Variants in SOBP observed in about 807,000 individuals in gnomAD.
The protein encoded by SOBP is sine oculis binding protein homolog, also known as sine oculis-binding protein homolog.
A neutral mutation model predicts 53.6 loss-of-function variants in SOBP; 4 were observed. That is an observed-to-expected ratio of 0.07 (90% CI 0.04 to 0.17). The LOEUF (loss-of-function observed/expected upper bound fraction) is 0.17, where lower values mean the gene tolerates loss of function less well. SOBP is among the 10% of genes least tolerant of loss of function. SOBP has a pLI of 1.00. For synonymous variants in SOBP, 584 were observed against 522.6 expected (o/e 1.12, Z -1.60); for missense variants, 1,088 against 1,204.7 (o/e 0.90, Z 1.43).
chr6:107,633,927 C>A lies in SOBP; in HGVS notation c.1083C>A (p.Ile361=). The change falls in exon 6 of 7, where the codon ATC becomes ATA. Residue 361 remains isoleucine, a synonymous_variant. Coordinates refer to ENST00000317357, the MANE Select transcript of SOBP (RefSeq NM_018013.4). ...KSIPISETPN[I]PPVSVQPPAS... ...TCCCCATCAGCGAGACTCCAAATATCCCTCCTGTCTCCGTCCAGCCACCTG... is the reference window on the plus strand; with the variant it reads ...TCCCCATCAGCGAGACTCCAAATATACCTCCTGTCTCCGTCCAGCCACCTG... 6.2e-7 allele frequency: 1 copy of A among 1,614,236 alleles called. No homozygotes were observed. Among genetic ancestry groups the A allele is most frequent in the East Asian group, 2.2e-5 (1 of 44,868 alleles).
chr6:107,542,249 G>A (rs1032916159), intron 4 of SOBP, among the ~76,000 whole-genome samples: 1 of 152,266 alleles, frequency 6.6e-6, no homozygotes, highest in African/African-American at 2.4e-5. Context: ...GTGTGCTGGG[G>A]ACAGAAGGAA....
Position 107,661,083 on chromosome 6 carries a change from C to T in SOBP, c.*2880C>T, listed in dbSNP as rs979863254. Among the ~76,000 whole-genome samples the T allele has an allele frequency of 6.6e-6, 1 of 152,182 alleles. No individual in the cohort carries two copies. The highest frequency in any genetic ancestry group is 1.5e-5 in the Non-Finnish European group (1 of 68,036). On this transcript the variant is annotated 3_prime_UTR_variant, in exon 7 of 7. Coordinates refer to ENST00000317357, the MANE Select transcript of SOBP (RefSeq NM_018013.4). ...GGTCTTGGCCATGGAGACAGTCATC[C>T]AGGATATTGATTTTGCTTTTGTCTG...
chr6:107,510,098 G>C (rs1002773103), intron 3 of SOBP, among the ~76,000 whole-genome samples: 1 of 152,202 alleles, frequency 6.6e-6, no homozygotes, highest in African/African-American at 2.4e-5. Flanking sequence ...TAAAGGGCCA[G>C]ATAGTATTTT....
chr6:107,583,516 T>C (rs979492310), intron 4 of SOBP, among the ~76,000 whole-genome samples: 1 of 152,194 alleles, frequency 6.6e-6, no homozygotes, highest in Non-Finnish European at 1.5e-5. Context: ...ACTAGTTCTG[T>C]AATCTCTTAA....
intron 4 of SOBP, among the ~76,000 whole-genome samples, chr6:107,559,345 G>A (rs1784710043): frequency 3.9e-5 from 6 of 152,098 alleles, no homozygotes; most frequent in Admixed American, 3.9e-4. Context: ...AGAAGATGTG[G>A]AGGCTGTACA....
intron 4 of SOBP, among the ~76,000 whole-genome samples, chr6:107,576,422 G>A (rs1785226091): frequency 1.3e-5 from 2 of 152,216 alleles, no homozygotes; most frequent in Admixed American, 1.3e-4. Context: ...TTATATTTTG[G>A]ACAACATTAT....
chr6:107,565,743 G>A (rs558375919), intron 4 of SOBP, among the ~76,000 whole-genome samples: 1 of 152,152 alleles, frequency 6.6e-6, no homozygotes, highest in African/African-American at 2.4e-5. Flanking sequence ...AAATCAAAAT[G>A]AACCTAAAAG....
At chr6:107,531,398 T>C (rs576614905) in intron 3 of SOBP, among the ~76,000 whole-genome samples, 6 of 152,276 alleles carry the variant, frequency 3.9e-5, no homozygotes, top group South Asian at 4.1e-4. Flanking sequence ...AAGTATCTTA[T>C]CAATTGGGAA....
chr6:107,619,671 A>G (rs948499238), intron 5 of SOBP, among the ~76,000 whole-genome samples: 4 of 152,196 alleles, frequency 2.6e-5, no homozygotes, highest in Admixed American at 6.5e-5. Flanking sequence ...TTTCCTTTCT[A>G]TGGAGACCCT....
At chr6:107,633,339 G>T (rs1223073132) in intron 5 of SOBP, among the ~76,000 whole-genome samples, 175 bp from the exon 6 acceptor site, 1 of 152,200 alleles carries the variant, frequency 6.6e-6, no homozygotes, top group African/African-American at 2.4e-5. Flanking sequence ...TATTTATAAA[G>T]CCAACCCATC....
At chr6:107,627,004 G>A (rs961190002) in intron 5 of SOBP, among the ~76,000 whole-genome samples, 10 of 152,142 alleles carry the variant, frequency 6.6e-5, no homozygotes, top group Admixed American at 3.3e-4. Flanking sequence ...GCCCTCTCAG[G>A]ACCAAATAAC....
chr6:107,568,387 C>T lies in SOBP; in HGVS notation c.574-18693C>T, dbSNP rs368788638. ...CTAAAACCATATTGAAGATGAACAA[C>T]GGACTCAAATGAGCCAAAGCATGCC... is the stretch of plus-strand genomic sequence containing the variant. On this transcript the variant is annotated intron_variant, in intron 4 of 6. Transcript: ENST00000317357. Among the ~76,000 whole-genome samples, 23 of 152,194 alleles carry T rather than the reference C, an allele frequency of 1.5e-4. No individual in the cohort carries two copies. The East Asian group carries it at 1.5e-3, about 10-fold the overall frequency.
At position 107,542,612 on chromosome 6, in the gene SOBP, T is replaced by C. The variant is rs1470194852; in HGVS notation, c.573+9002T>C. Among the ~76,000 whole-genome samples the C allele has an allele frequency of 2.6e-5, 4 of 152,166 alleles. No homozygotes were observed. In the East Asian group the frequency reaches 7.7e-4, roughly 29 times the overall value. On this transcript the variant is annotated intron_variant, in intron 4 of 6. Coordinates refer to ENST00000317357, the MANE Select transcript of SOBP (RefSeq NM_018013.4). ...TGAAGAGTAAGAAAGGCAACAGCAT[T>C]CACATCAAAGTTGGGTGTGTCTGGC...
chr6:107,633,914 A>G lies in SOBP; in HGVS notation c.1070A>G (p.Glu357Gly). 1 of 1,614,060 alleles carries G rather than the reference A, an allele frequency of 6.2e-7. No homozygotes were observed. Among genetic ancestry groups the G allele is most frequent in the Non-Finnish European group, 8.5e-7 (1 of 1,180,004 alleles). Residue 357 changes from glutamate (E) to glycine (G), a missense_variant, in exon 6 of 7, where the codon GAG (glutamate) becomes GGG (glycine). By Grantham distance (98) the Glu-to-Gly change is moderately conservative. Around this residue, in one of 6 missense-constraint regions of SOBP, gnomAD observed 211 missense variants for 258.9 expected, o/e 0.82. Transcript: ENST00000317357. The stretch of plus-strand genomic sequence containing the variant: ...GTGCCCAAGTCCATCCCCATCAGCG[A>G]GACTCCAAATATCCCTCCTGTCTCC... ...TPVPKSIPIS[E>G]TPNIPPVSVQ...
intron 4 of SOBP, among the ~76,000 whole-genome samples, chr6:107,560,604 T>G (rs535464414): frequency 6.6e-6 from 1 of 152,210 alleles, no homozygotes; most frequent in South Asian, 2.1e-4. Flanking sequence ...TTTCACTATA[T>G]TAGATACTGG....
chr6:107,627,805 A>G (rs933981248), intron 5 of SOBP, among the ~76,000 whole-genome samples: 32 of 152,202 alleles, frequency 2.1e-4, no homozygotes, highest in African/African-American at 7.5e-4. Flanking sequence ...TTCCTCTCTC[A>G]ATTCCGTATG....
At chr6:107,556,172 A>G (rs894282100) in intron 4 of SOBP, among the ~76,000 whole-genome samples, 7 of 152,096 alleles carry the variant, frequency 4.6e-5, no homozygotes, top group Non-Finnish European at 1.0e-4. Flanking sequence ...TGTAATAGGG[A>G]TGTTATAAAG....
At chr6:107,545,937 C>G (rs895040095) in intron 4 of SOBP, among the ~76,000 whole-genome samples, 2 of 152,006 alleles carry the variant, frequency 1.3e-5, no homozygotes, top group South Asian at 2.1e-4. Context: ...GTTTTAGAGG[C>G]ACAGATGGTT....
At chr6:107,650,464 A>G (rs1459451678) in intron 6 of SOBP, among the ~76,000 whole-genome samples, 1 of 152,228 alleles carries the variant, frequency 6.6e-6, no homozygotes, top group East Asian at 1.9e-4. Flanking sequence ...CCATTTTTCC[A>G]ACAGCATGTG....
Sources: allele counts gnomAD v4.1 joint callset (sites outside exome capture counted in the v4.1 genomes callset), GRCh38; gene constraint gnomAD v4.1.1; regional missense constraint gnomAD v4.1.1; transcripts MANE v1.5; gene names NCBI Gene and HGNC (gene_info 2026-07-23, HGNC 2026-07-21).